The following THAP8 variants were observed in gnomAD, a reference collection of about 807,000 sequenced individuals.
THAP8 encodes the protein THAP domain-containing protein 8.
In THAP8, 24 loss-of-function variants were observed where a neutral mutation model predicts 25.0. The observed-to-expected ratio is 0.96, with a 90% CI of 0.69 to 1.35. The LOEUF (loss-of-function observed/expected upper bound fraction) is 1.35. Among genes scored for constraint, THAP8 ranks in the 40% most tolerant of loss-of-function variants. The probability of loss-of-function intolerance (pLI) is 0.00; values close to 1 mark genes in which losing one functional copy is unlikely to be tolerated. For synonymous variants in THAP8, 169 were observed against 157.6 expected, an observed-to-expected ratio of 1.07 and a Z score of -0.54; for missense variants, 399 against 368.8, an observed-to-expected ratio of 1.08 and a Z score of -0.67.
chr19:36,047,733 G>A (rs181710709), intron 1 of THAP8, among the ~76,000 whole-genome samples: 3 of 152,112 alleles, frequency 2.0e-5, no homozygotes, highest in Non-Finnish European at 4.4e-5. Flanking sequence ...GGGTGGCTGA[G>A]GCATGAGAAT....
At position 36,052,275 on chromosome 19, in the gene THAP8, CCTCGTGAT is replaced by C. The variant is rs571625764; in HGVS notation, c.83+1852_83+1859del. Among the ~76,000 whole-genome samples, 29 of 152,276 alleles carry C rather than the reference CCTCGTGAT, an allele frequency of 1.9e-4. No individual in the cohort carries two copies. In the South Asian group the frequency reaches 3.7e-3, roughly 20 times the overall value. On this transcript the variant is annotated intron_variant, in intron 1 of 3. Coordinates refer to ENST00000292894, the MANE Select transcript of THAP8 (RefSeq NM_152658.3). ...GGCCAGGATGGTCTCGATCTCCTGA[CCTCGTGAT>C]CTGCCCGCCTTGGCCTCCCAAAGTG...
intron 1 of THAP8, chr19:36,045,898 C>T: frequency 2.2e-6 from 1 of 456,598 alleles, no homozygotes; most frequent in Non-Finnish European, 4.4e-6. Flanking sequence ...CTCCTGGCCT[C>T]TAGAACTGTT....
At chr19:36,040,964 A>T (rs1037458146) in intron 1 of THAP8, among the ~76,000 whole-genome samples, 2 of 152,110 alleles carry the variant, frequency 1.3e-5, no homozygotes, top group Admixed American at 6.6e-5. Flanking sequence ...CAGTAAAAAG[A>T]CATTTTAAGA....
intron 1 of THAP8, among the ~76,000 whole-genome samples, chr19:36,044,295 A>G (rs1053926244): frequency 1.3e-5 from 2 of 152,254 alleles, no homozygotes; most frequent in Middle Eastern, 3.4e-3. Flanking sequence ...CATATCTGTG[A>G]TATTACTTAT....
At chr19:36,046,580 C>A (rs556999921) in intron 1 of THAP8, among the ~76,000 whole-genome samples, 1 of 152,126 alleles carries the variant, frequency 6.6e-6, no homozygotes, top group Non-Finnish European at 1.5e-5. Flanking sequence ...GAGAGCAGAA[C>A]CCCAGGGCAC....
chr19:36,048,694 A>G (rs1245848124), intron 1 of THAP8, among the ~76,000 whole-genome samples: 16 of 151,726 alleles, frequency 1.1e-4, no homozygotes, highest in Admixed American at 9.9e-4. Flanking sequence ...CAAAAATTAG[A>G]AAAATTTGCC....
Position 36,035,303 on chromosome 19 carries a change from G to T in THAP8, c.*137C>A. On this transcript the variant is annotated 3_prime_UTR_variant, in exon 4 of 4. Transcript: ENST00000292894. ...AGGTTCAAGAGATCCCTAGGAGTGG[G>T]GTGGTAGAACCCAGGCCCTTGAGGG... The T allele has an allele frequency of 1.8e-6, 2 of 1,126,100 alleles. No individual in the cohort carries two copies. The highest frequency in any genetic ancestry group is 2.4e-4 in the Middle Eastern group (1 of 4,082). The allele number at this position is 1,126,100 out of a possible 1,614,324, so 69.8% of individuals were successfully genotyped here. A position where few individuals can be genotyped will look rare whatever the true frequency, so the allele number is the denominator to read the frequency against.
intron 1 of THAP8, among the ~76,000 whole-genome samples, chr19:36,050,545 G>A (rs1372632673): frequency 2.0e-5 from 3 of 152,166 alleles, no homozygotes; most frequent in Non-Finnish European, 4.4e-5. Flanking sequence ...GTTGCAGGAT[G>A]GAGAAATGTC....
intron 3 of THAP8, among the ~76,000 whole-genome samples, chr19:36,037,342 CTACACA>C (rs372452072): frequency 2.0e-5 from 2 of 98,440 alleles, no homozygotes; most frequent in Non-Finnish European, 3.9e-5. Context: ...AATTCCTCCC[CTACACA>C]CACACACACA....
At position 36,037,243 on chromosome 19, in the gene THAP8, T is replaced by TACACACAC. The variant is rs67358015; in HGVS notation, c.673-1659_673-1652dup. ...AACACCCTTCCTCAACTTCCTCCCCTACACACACACACACACACACACACA... is the reference window on the plus strand; with the variant it reads ...AACACCCTTCCTCAACTTCCTCCCCTACACACACACACACACACACACACACACACACA... On this transcript the variant is annotated intron_variant, in intron 3 of 3. Transcript: ENST00000292894. Among the ~76,000 whole-genome samples, 234 of 114,224 alleles carry TACACACAC rather than the reference T, an allele frequency of 2.0e-3. 2 individuals are homozygous for TACACACAC. The highest frequency in any genetic ancestry group is 3.1e-3 in the South Asian group (9 of 2,950). 74.9% of individuals were successfully genotyped at this position (114,224 alleles called of 152,430 possible).
chr19:36,039,745 G>A, intron 2 of THAP8, 27 bp from the exon 3 acceptor site: 2 of 1,492,514 alleles, frequency 1.3e-6, no homozygotes, highest in Non-Finnish European at 8.9e-7. Flanking sequence ...GGGGTGCAGG[G>A]GTGCCGTGGT....
intron 1 of THAP8, among the ~76,000 whole-genome samples, chr19:36,042,951 T>C (rs1276064393): frequency 6.6e-6 from 1 of 152,080 alleles, no homozygotes; most frequent in Non-Finnish European, 1.5e-5. Flanking sequence ...ATTTTTGCGA[T>C]GGAGTCTCAC....
chr19:36,040,567 T>C (rs1245180431), intron 1 of THAP8, among the ~76,000 whole-genome samples: 1 of 152,166 alleles, frequency 6.6e-6, no homozygotes, highest in Non-Finnish European at 1.5e-5. Flanking sequence ...CCTCAGGTGA[T>C]CCACCCACCT....
intron 1 of THAP8, among the ~76,000 whole-genome samples, chr19:36,052,380 T>G (rs1471215971): frequency 1.3e-5 from 2 of 152,196 alleles, no homozygotes; most frequent in Non-Finnish European, 2.9e-5. Context: ...TGCCTGATGA[T>G]CTGAAGCGTT....
chr19:36,041,108 C>T (rs140368796), intron 1 of THAP8, among the ~76,000 whole-genome samples: 3,242 of 149,216 alleles, frequency 0.022, 47 homozygotes, highest in Middle Eastern at 0.042. Context: ...CCCAGGAGTT[C>T]GAGACCAGCC....
Position 36,043,360 on chromosome 19 carries a change from G to A in THAP8, c.84-3224C>T, listed in dbSNP as rs1040971362. Among the ~76,000 whole-genome samples, 31 of 152,170 alleles carry A rather than the reference G, an allele frequency of 2.0e-4. 1 individual carries two copies. Among genetic ancestry groups the A allele is most frequent in the Admixed American group, 1.8e-3 (28 of 15,270 alleles). On this transcript the variant is annotated intron_variant, in intron 1 of 3. Coordinates refer to ENST00000292894, the MANE Select transcript of THAP8 (RefSeq NM_152658.3). ...ATGAGGTAGAACAGTCAAATTCCTAGAGACAGACAGTGGAATGGTGGTTGC... is the reference window on the plus strand; with the variant it reads ...ATGAGGTAGAACAGTCAAATTCCTAAAGACAGACAGTGGAATGGTGGTTGC...
At chr19:36,036,442 G>A (rs894098649) in intron 3 of THAP8, among the ~76,000 whole-genome samples, 4 of 152,040 alleles carry the variant, frequency 2.6e-5, no homozygotes, top group African/African-American at 9.6e-5. Flanking sequence ...CTAATTTTTT[G>A]TGTTTCTTGT....
At chr19:36,048,797 A>G (rs918958477) in intron 1 of THAP8, among the ~76,000 whole-genome samples, 2 of 146,476 alleles carry the variant, frequency 1.4e-5, no homozygotes, top group African/African-American at 5.1e-5. Flanking sequence ...GCAGTGAACC[A>G]TGATGGTGCT....
chr19:36,041,098 C>G (rs1422956702), intron 1 of THAP8, among the ~76,000 whole-genome samples: 1 of 151,384 alleles, frequency 6.6e-6, no homozygotes, highest in Non-Finnish European at 1.5e-5. Context: ...ATCGCTTGAG[C>G]CCAGGAGTTC....
Sources: allele counts gnomAD v4.1 joint callset (sites outside exome capture counted in the v4.1 genomes callset), GRCh38; gene constraint gnomAD v4.1.1; transcripts MANE v1.5; gene names NCBI Gene and HGNC (gene_info 2026-07-23, HGNC 2026-07-21).